CEP85L: variants seen among roughly 807,000 people sequenced by gnomAD.
CEP85L encodes centrosomal protein 85L, also known as centrosomal protein of 85 kDa-like.
A neutral mutation model predicts 100.3 loss-of-function variants in CEP85L; 60 were observed. The observed-to-expected ratio is 0.60, with a 90% CI of 0.49 to 0.74. CEP85L has a LOEUF of 0.74. Among genes scored for constraint, CEP85L ranks in the 30% least tolerant of loss-of-function variants. The probability of loss-of-function intolerance (pLI) is 0.00; values close to 1 mark genes in which losing one functional copy is unlikely to be tolerated. For missense variants in CEP85L, 973 were observed against 936.2 expected (o/e 1.04, Z -0.51); for synonymous variants, 319 against 322.7 (o/e 0.99, Z 0.12).
intron 4 of CEP85L, among the ~76,000 whole-genome samples, chr6:118,519,166 A>G (rs901577468): frequency 1.3e-5 from 2 of 151,836 alleles, no homozygotes; most frequent in Admixed American, 6.6e-5. Context: ...AGTTAGGGGG[A>G]AAAAAAGGGC....
At chr6:118,543,175 G>C (rs1050748786) in intron 3 of CEP85L, among the ~76,000 whole-genome samples, 2 of 72,080 alleles carry the variant, frequency 2.8e-5, no homozygotes, top group African/African-American at 1.1e-4. Context: ...TCAATTTGTT[G>C]AAATTGTTTT....
At chr6:118,465,636 C>A in intron 12 of CEP85L, 68 bp from the exon 13 acceptor site, 1 of 1,474,128 alleles carries the variant, frequency 6.8e-7, no homozygotes, top group Non-Finnish European at 9.3e-7. Context: ...GAATTTTTCA[C>A]CTTAATCATC....
chr6:118,703,314 T>C (rs1220622871), intron 1 of CEP85L, among the ~76,000 whole-genome samples: 2 of 152,240 alleles, frequency 1.3e-5, no homozygotes, highest in East Asian at 1.9e-4. Context: ...AAATAACTGA[T>C]ATACCAACCC....
intron 6 of CEP85L, among the ~76,000 whole-genome samples, chr6:118,485,252 C>G (rs527644803): frequency 2.6e-5 from 4 of 152,172 alleles, no homozygotes; most frequent in Non-Finnish European, 4.4e-5. Context: ...AATATTTTTA[C>G]AGTGTTTTCC....
At chr6:118,635,039 AT>A in intron 1 of CEP85L, among the ~76,000 whole-genome samples, 1 of 152,202 alleles carries the variant, frequency 6.6e-6, no homozygotes, top group South Asian at 2.1e-4. Flanking sequence ...ATGTTCGTAT[AT>A]TTTTGTGGCC....
intron 3 of CEP85L, 188 bp downstream of exon 3, chr6:118,565,341 A>T (rs921149763): frequency 4.9e-6 from 3 of 606,316 alleles, no homozygotes; most frequent in Middle Eastern, 7.2e-4. Context: ...TTTTCATGTT[A>T]ATTAGTCTCA....
chr6:118,517,521 C>T lies in CEP85L; in HGVS notation c.1140-6106G>A, dbSNP rs190813342. Among the ~76,000 whole-genome samples, 240 of 152,222 alleles carry T rather than the reference C, an allele frequency of 1.6e-3. 5 individuals carry two copies. Among genetic ancestry groups the T allele is most frequent in the East Asian group, 7.7e-4 (4 of 5,186 alleles). On this transcript the variant is annotated intron_variant, in intron 4 of 12. Transcript: ENST00000368491. ...TTTGTAGCAATTGTGAATGAGTTCA[C>T]TCATGATTTGCCTCTCTGTTTGTCT...
chr6:118,565,489 A>G (rs750512904), intron 3 of CEP85L, 40 bp downstream of exon 3: 71 of 1,583,898 alleles, frequency 4.5e-5, no homozygotes, highest in Non-Finnish European at 6.1e-5. Flanking sequence ...TACTCATAAC[A>G]TCCACTGGAG....
At chr6:118,575,192 T>A (rs1314062623) in intron 2 of CEP85L, among the ~76,000 whole-genome samples, 1 of 152,094 alleles carries the variant, frequency 6.6e-6, no homozygotes, top group African/African-American at 2.4e-5. Context: ...AGGCAGGGAA[T>A]CAAAAGGAAA....
Position 118,544,779 on chromosome 6 carries a change from G to T in CEP85L, c.1020+20750C>A, listed in dbSNP as rs539472509. ...CCCAAATGACCCCTAAGCTTTATAG[G>T]TTACTTTATCACTGGGTTATATCAA... is the stretch of plus-strand genomic sequence containing the variant. On this transcript the variant is annotated intron_variant, in intron 3 of 12. Coordinates refer to ENST00000368491, the MANE Select transcript of CEP85L (RefSeq NM_001042475.3). 2.3e-3 allele frequency among the ~76,000 whole-genome samples: 349 copies of T among 152,234 alleles called. 4 individuals carry two copies. In the South Asian group the frequency reaches 0.024, roughly 11 times the overall value.
chr6:118,573,063 CA>C (rs1780003418), intron 2 of CEP85L, among the ~76,000 whole-genome samples: 1 of 151,668 alleles, frequency 6.6e-6, no homozygotes, highest in African/African-American at 2.4e-5. Context: ...ACTCCGTCTC[CA>C]AAAAAAATAA....
intron 3 of CEP85L, among the ~76,000 whole-genome samples, chr6:118,524,847 C>A (rs1037570855): frequency 6.6e-6 from 1 of 152,214 alleles, no homozygotes; most frequent in Non-Finnish European, 1.5e-5. Context: ...CCATAGCTGA[C>A]TGGAGCCCAG....
At chr6:118,677,813 T>C (rs1013782792) in intron 1 of CEP85L, among the ~76,000 whole-genome samples, 2 of 152,218 alleles carry the variant, frequency 1.3e-5, no homozygotes, top group Non-Finnish European at 2.9e-5. Flanking sequence ...ACCAAGTGTG[T>C]CCTGCCAATA....
intron 4 of CEP85L, among the ~76,000 whole-genome samples, chr6:118,520,292 T>C (rs527592320): frequency 6.6e-6 from 1 of 152,368 alleles, no homozygotes; most frequent in African/African-American, 2.4e-5. Flanking sequence ...TGATCGTTTA[T>C]GTAAACAATC....
chr6:118,698,183 C>T (rs989841568), intron 1 of CEP85L, among the ~76,000 whole-genome samples: 1 of 152,200 alleles, frequency 6.6e-6, no homozygotes, highest in South Asian at 2.1e-4. Flanking sequence ...AGACCACCAT[C>T]CCACATAGTA....
chr6:118,558,942 C>T lies in CEP85L; in HGVS notation c.1020+6587G>A, dbSNP rs1583047485. 10 of 1,613,796 alleles carry T rather than the reference C, an allele frequency of 6.2e-6. No homozygotes were observed. Among genetic ancestry groups the T allele is most frequent in the Non-Finnish European group, 8.5e-6 (10 of 1,179,696 alleles). On this transcript the variant is annotated intron_variant, in intron 3 of 12. Coordinates refer to ENST00000368491, the MANE Select transcript of CEP85L (RefSeq NM_001042475.3). ...GTATCATGGAGAAAGTCCAATACCTCACTCGCTCAGCTATAAGAAGAGCCT... is the reference window on the plus strand; with the variant it reads ...GTATCATGGAGAAAGTCCAATACCTTACTCGCTCAGCTATAAGAAGAGCCT...
chr6:118,492,660 G>A (rs895967165), intron 5 of CEP85L, among the ~76,000 whole-genome samples: 6 of 152,048 alleles, frequency 3.9e-5, no homozygotes, highest in Non-Finnish European at 8.8e-5. Context: ...CAAAGAAAGA[G>A]GTTATTTTTC....
intron 2 of CEP85L, among the ~76,000 whole-genome samples, chr6:118,576,376 A>T (rs938587886): frequency 2.6e-5 from 4 of 152,352 alleles, no homozygotes; most frequent in African/African-American, 9.6e-5. Context: ...GAAAGCCGAA[A>T]AAGGGTGAAC....
chr6:118,501,700 A>G, intron 5 of CEP85L: 1 of 685,346 alleles, frequency 1.5e-6, no homozygotes, highest in Non-Finnish European at 2.7e-6. Context: ...GCCAGGAAAA[A>G]ATTCAGAGCC....
Sources: gnomAD v4.1 joint callset for allele counts (sites outside exome capture counted in the v4.1 genomes callset) on GRCh38, gnomAD v4.1.1 for gene constraint, MANE v1.5 for transcripts, NCBI Gene and HGNC (gene_info 2026-07-23, HGNC 2026-07-21) for gene names.